Variants in CNTN2 observed in about 807,000 individuals in gnomAD.
The protein encoded by CNTN2 is contactin 2.
Under a neutral mutation model 117.5 loss-of-function variants are expected in CNTN2, and 53 were observed. The observed-to-expected ratio is 0.45, with a 90% CI of 0.36 to 0.57. The LOEUF (loss-of-function observed/expected upper bound fraction) is 0.57, where lower values mean the gene tolerates loss of function less well. Ranked by LOEUF, CNTN2 falls within the 20% of genes least tolerant of loss-of-function variation. CNTN2 has a pLI of 0.00. For missense variants in CNTN2, 1,106 were observed against 1,404.3 expected, an observed-to-expected ratio of 0.79 and a Z score of 3.39; for synonymous variants, 530 against 561.7, an observed-to-expected ratio of 0.94 and a Z score of 0.80.
chr1:205,064,580 A>C, intron 11 of CNTN2, 43 bp from the exon 12 acceptor site: 1 of 1,607,228 alleles, frequency 6.2e-7, no homozygotes, highest in East Asian at 2.2e-5. Context: ...CCCCAGGGAC[A>C]ACCATGCCTG....
At chr1:205,066,298 G>T in intron 14 of CNTN2, 143 bp from the exon 15 acceptor site, 1 of 935,008 alleles carries the variant, frequency 1.1e-6, no homozygotes, top group Non-Finnish European at 1.6e-6. Context: ...CCCCTTGCCC[G>T]CCCTCCCGCC....
At position 205,072,040 on chromosome 1, in the gene CNTN2, C is replaced by A. The variant is rs1223287018; in HGVS notation, c.2638C>A (p.Pro880Thr). 6.2e-7 allele frequency: 1 copy of A among 1,614,128 alleles called. No homozygotes were observed. Among genetic ancestry groups the A allele is most frequent in the Non-Finnish European group, 8.5e-7 (1 of 1,180,008 alleles). ...CAGTGCCCGAGTCAGCGGCCTGCAT[C>A]CCAACACCAAGTACCATGTGACCGT... ...DTSARVSGLHPNTKYHVTVRA... is the reference protein window; with the variant it reads ...DTSARVSGLHTNTKYHVTVRA... The change falls in exon 20 of 23, where the codon CCC becomes ACC. Residue 880 changes from proline (P) to threonine (T), a missense_variant. Transcript: ENST00000331830.
chr1:205,067,927 CAAAAAAAAAAAAAAAAAAAA>C (rs60927879), intron 16 of CNTN2: 2 of 74,040 alleles, frequency 2.7e-5, no homozygotes, highest in African/African-American at 5.4e-5. Flanking sequence ...GACTCCATCT[CAAAAAAAAAAAAAAAAAAAA>C]AAAAAAAAGA....
At position 205,077,000 on chromosome 1, in the gene CNTN2, A is replaced by G. The variant is rs1333861967; in HGVS notation, c.*3235A>G. 2 of 152,176 alleles carry G rather than the reference A, an allele frequency of 1.3e-5. No homozygotes were observed. The highest frequency in any genetic ancestry group is 2.9e-5 in the Non-Finnish European group (2 of 68,036). The allele number at this position is 152,176 out of a possible 1,614,324, so 9.4% of individuals were successfully genotyped here. On this transcript the variant is annotated 3_prime_UTR_variant, in exon 23 of 23. Coordinates refer to ENST00000331830, the MANE Select transcript of CNTN2 (RefSeq NM_005076.5). ...TCCTCATTCCAGGAGGCCCTGGAAT[A>G]AGGAAGAGGCTTCTTTCTGAGGGAG...
chr1:205,048,059 G>A lies in CNTN2; in HGVS notation c.-87+4665G>A, dbSNP rs2096444776. On this transcript the variant is annotated intron_variant, in intron 1 of 22. Transcript: ENST00000331830. This position sits in a 1 kb window ranked among gnomAD's most constrained non-coding sequence, Gnocchi z 4.1. The stretch of plus-strand genomic sequence containing the variant: ...TTTATAGGATAGAGGTCAAGCGGGG[G>A]CCTGAAGGGCTCCTCAAGTACTTTG... 6.6e-6 allele frequency among the ~76,000 whole-genome samples: 1 copy of A among 152,192 alleles called. No homozygotes were observed. The highest frequency in any genetic ancestry group is 1.5e-5 in the Non-Finnish European group (1 of 68,022).
intron 14 of CNTN2, 22 bp from the exon 15 acceptor site, chr1:205,066,419 G>C: frequency 6.2e-7 from 1 of 1,611,200 alleles, no homozygotes; most frequent in South Asian, 1.1e-5. Flanking sequence ...CTGACCCACT[G>C]TGCTCTGACC....
Position 205,064,484 on chromosome 1 carries a change from A to G in CNTN2, c.1391+12A>G, listed in dbSNP as rs774047044. On this transcript the variant is annotated intron_variant, in intron 11 of 22. Transcript: ENST00000331830. Reference sequence around the variant, plus strand: ...GTCAACAGCAGCAGGTACCACCCACACCCCACCCTGCACAGTTCCTGCTCC... The same window carrying G: ...GTCAACAGCAGCAGGTACCACCCACGCCCCACCCTGCACAGTTCCTGCTCC... The G allele has an allele frequency of 6.2e-7, 1 of 1,601,304 alleles. No individual in the cohort carries two copies. The highest frequency in any genetic ancestry group is 8.5e-7 in the Non-Finnish European group (1 of 1,170,700).
chr1:205,064,989 T>C lies in CNTN2; in HGVS notation c.1520-98T>C, dbSNP rs1360933351. On this transcript the variant is annotated intron_variant, in intron 12 of 22. Transcript: ENST00000331830. The stretch of plus-strand genomic sequence containing the variant: ...TGTGGGTCACACCACCTCTTCTCTT[T>C]GCTGGGCCTTAGGACAGAGCCTCTC... 5.0e-6 allele frequency: 7 copies of C among 1,388,586 alleles called. No homozygotes were observed. The South Asian group carries it at 6.5e-5, about 13-fold the overall frequency. 86.0% of individuals were successfully genotyped at this position (1,388,586 alleles called of 1,614,324 possible).
chr1:205,059,511 C>CT lies in CNTN2; in HGVS notation c.698-71dup. 1 of 1,441,522 alleles carries CT rather than the reference C, an allele frequency of 6.9e-7. No individual in the cohort carries two copies. The highest frequency in any genetic ancestry group is 9.8e-7 in the Non-Finnish European group (1 of 1,024,532). The allele number at this position is 1,441,522 out of a possible 1,614,324, so 89.3% of individuals were successfully genotyped here. On this transcript the variant is annotated intron_variant, in intron 6 of 22. Transcript: ENST00000331830. This position sits in a 1 kb window ranked among gnomAD's most constrained non-coding sequence, Gnocchi z 5.6. Reference sequence around the variant, plus strand: ...TAGACAGAGTTGGCTCTGAAAGGTGCTGAGATCCCATGCACGGGAGCACCT... The same window carrying CT: ...TAGACAGAGTTGGCTCTGAAAGGTGCTTGAGATCCCATGCACGGGAGCACCT...
At chr1:205,064,126 A>AGGGGGGGGGGGTGGGGGGGGGGGGGGGG (rs11329962) in intron 10 of CNTN2, among the ~76,000 whole-genome samples, 196 bp from the exon 11 acceptor site, 3 of 94,372 alleles carry the variant, frequency 3.2e-5, no homozygotes, top group Non-Finnish European at 7.6e-5. Context: ...TGAGGGGCGG[A>AGGGGGGGGGGGTGGGGGGGGGGGGGGGG]GGGGGGGCGC....
chr1:205,054,522 G>C (rs2096457994), intron 2 of CNTN2, among the ~76,000 whole-genome samples: 1 of 152,206 alleles, frequency 6.6e-6, no homozygotes, highest in Admixed American at 6.5e-5. Context: ...GGAGCAGAGG[G>C]GAGGCGCCTG....
chr1:205,057,410 T>C (rs2151188713), intron 2 of CNTN2: 1 of 152,602 alleles, frequency 6.6e-6, no homozygotes, highest in Non-Finnish European at 1.5e-5. Context: ...TCAGTTCTTC[T>C]GTAAGGGTCC....
Position 205,059,014 on chromosome 1 carries a change from C to T in CNTN2, c.488-70C>T. On this transcript the variant is annotated intron_variant, in intron 5 of 22. Coordinates refer to ENST00000331830, the MANE Select transcript of CNTN2 (RefSeq NM_005076.5). This position sits in a 1 kb window ranked among gnomAD's most constrained non-coding sequence, Gnocchi z 5.6. The stretch of plus-strand genomic sequence containing the variant: ...GGGCTTGCAGAACCGCACCAGCATG[C>T]TGGGGTCCCACCCAGAGTGGCCCTG... The T allele has an allele frequency of 7.1e-7, 1 of 1,408,204 alleles. No homozygotes were observed. The highest frequency in any genetic ancestry group is 1.0e-6 in the Non-Finnish European group (1 of 1,004,858). The allele number at this position is 1,408,204 out of a possible 1,614,324, so 87.2% of individuals were successfully genotyped here. A position where few individuals can be genotyped will look rare whatever the true frequency, so the allele number is the denominator to read the frequency against.
At position 205,074,192 on chromosome 1, in the gene CNTN2, C is replaced by T. The variant is rs538848900; in HGVS notation, c.*427C>T. ...ACATGAACAGGTTGAAGAACTGGAG[C>T]GAAGTGCACACCTCACCATCCTTCA... is the stretch of plus-strand genomic sequence containing the variant. On this transcript the variant is annotated 3_prime_UTR_variant, in exon 23 of 23. Transcript: ENST00000331830. 11 of 443,978 alleles carry T rather than the reference C, an allele frequency of 2.5e-5. No individual in the cohort carries two copies. Among genetic ancestry groups the T allele is most frequent in the East Asian group, 1.3e-4 (4 of 31,492 alleles). The allele number at this position is 443,978 out of a possible 1,614,324, so 27.5% of individuals were successfully genotyped here. A position where few individuals can be genotyped will look rare whatever the true frequency, so the allele number is the denominator to read the frequency against.
intron 1 of CNTN2, among the ~76,000 whole-genome samples, chr1:205,051,470 G>A (rs912595724): frequency 2.0e-5 from 3 of 152,210 alleles, no homozygotes; most frequent in Non-Finnish European, 1.5e-5. Context: ...AGTGCAGAAT[G>A]TCTTGAGTTC....
In CNTN2 at chr1:205,071,885, C is replaced by A. The variant is rs533495300; in HGVS notation, c.2545-62C>A. ...GCAAGAGAGGAACAGAATGTGGGGG[C>A]CGGGGCAGCCCTGAGATCCTGGGCT... is the stretch of plus-strand genomic sequence containing the variant. On this transcript the variant is annotated intron_variant, in intron 19 of 22. Transcript: ENST00000331830. The A allele has an allele frequency of 1.2e-5, 18 of 1,481,508 alleles. No individual in the cohort carries two copies. In the South Asian group the frequency reaches 2.0e-4, roughly 16 times the overall value. The allele number at this position is 1,481,508 out of a possible 1,614,324, so 91.8% of individuals were successfully genotyped here. A position where few individuals can be genotyped will look rare whatever the true frequency, so the allele number is the denominator to read the frequency against.
chr1:205,066,294 G>C (rs967123224), intron 14 of CNTN2, 147 bp from the exon 15 acceptor site: 15 of 900,980 alleles, frequency 1.7e-5, no homozygotes, highest in South Asian at 1.4e-4. Flanking sequence ...CACACCCCTT[G>C]CCCGCCCTCC....
chr1:205,049,992 C>T (rs2096449574), intron 1 of CNTN2, among the ~76,000 whole-genome samples: 1 of 150,916 alleles, frequency 6.6e-6, no homozygotes, highest in Admixed American at 6.6e-5. Flanking sequence ...CTGCAGGGCA[C>T]TCTAGCACCT....
Position 205,061,557 on chromosome 1 carries a change from C to T in CNTN2, c.973+137C>T. The T allele has an allele frequency of 9.2e-7, 1 of 1,081,498 alleles. No individual in the cohort carries two copies. The highest frequency in any genetic ancestry group is 1.3e-6 in the Non-Finnish European group (1 of 774,628). The allele number at this position is 1,081,498 out of a possible 1,614,324, so 67.0% of individuals were successfully genotyped here. A position where few individuals can be genotyped will look rare whatever the true frequency, so the allele number is the denominator to read the frequency against. On this transcript the variant is annotated intron_variant, in intron 8 of 22. Transcript: ENST00000331830. The surrounding 1 kb of genome is among the most constrained non-coding windows in gnomAD (Gnocchi z 4.8). ...CATGAGCCTGCTTGCCCTAGGACTG[C>T]ACTGAGTCTGGGACCAGAGGAGGCT...
Sources: allele counts gnomAD v4.1 joint callset (sites outside exome capture counted in the v4.1 genomes callset), GRCh38; gene constraint gnomAD v4.1.1; non-coding constraint Gnocchi (gnomAD v3.1); transcripts MANE v1.5; gene names NCBI Gene and HGNC (gene_info 2026-07-23, HGNC 2026-07-21).